Variants in CHD2 observed in about 807,000 individuals in gnomAD.
The protein encoded by CHD2 is chromodomain helicase DNA binding protein 2, also known as ATP-dependent chromatin remodeler CHD2.
CHD2 carries 28 observed loss-of-function variants against 243.9 expected under a neutral mutation model. The observed-to-expected ratio is 0.11, with a 90% CI of 0.09 to 0.16. The LOEUF (loss-of-function observed/expected upper bound fraction) is 0.16, where lower values mean the gene tolerates loss of function less well. Among genes scored for constraint, CHD2 ranks in the 10% least tolerant of loss-of-function variants. The pLI, the probability that CHD2 is intolerant of heterozygous loss-of-function variation, is 1.00. For missense variants in CHD2, 1,386 were observed against 2,209.8 expected, an observed-to-expected ratio of 0.63 and a Z score of 7.47; for synonymous variants, 775 against 779.0, an observed-to-expected ratio of 0.99 and a Z score of 0.09.
chr15:93,000,445 T>G, intron 31 of CHD2, 67 bp from the exon 32 acceptor site: 2 of 1,456,086 alleles, frequency 1.4e-6, no homozygotes, highest in Non-Finnish European at 1.9e-6. Context: ...AGAGTCATCA[T>G]GTTGTTTGGT....
intron 1 of CHD2, 41 bp from the exon 2 acceptor site, chr15:92,901,126 G>A: frequency 2.9e-6 from 2 of 692,888 alleles, no homozygotes; most frequent in Non-Finnish European, 5.2e-6. Context: ...AAAAAGCATC[G>A]ATAGAAGCCG....
chr15:92,928,888 G>A (rs530357344), intron 4 of CHD2, 142 bp from the exon 5 acceptor site: 34 of 612,166 alleles, frequency 5.6e-5, no homozygotes, highest in Non-Finnish European at 8.1e-5. Context: ...GTTCCACCAA[G>A]CAAGTGCTTA....
intron 2 of CHD2, among the ~76,000 whole-genome samples, chr15:92,922,494 A>T (rs2052976012): frequency 6.6e-6 from 1 of 152,066 alleles, no homozygotes; most frequent in African/African-American, 2.4e-5. Context: ...AGGCCTCCGT[A>T]TTGTAATGTG....
At chr15:92,942,405 CTT>C (rs202182060) in intron 8 of CHD2, among the ~76,000 whole-genome samples, 5 of 135,862 alleles carry the variant, frequency 3.7e-5, no homozygotes, top group Non-Finnish European at 4.8e-5. Context: ...TTTCTTTTGG[CTT>C]TTTTTTTTTT....
At chr15:92,970,525 A>C (rs1316618536) in intron 17 of CHD2, among the ~76,000 whole-genome samples, 2 of 152,164 alleles carry the variant, frequency 1.3e-5, no homozygotes, top group Admixed American at 6.5e-5. Flanking sequence ...ATTTTTTAAC[A>C]TTTTAATGCT....
chr15:92,929,945 C>T (rs2053135121), intron 5 of CHD2, among the ~76,000 whole-genome samples: 1 of 152,070 alleles, frequency 6.6e-6, no homozygotes, highest in African/African-American at 2.4e-5. Context: ...ATACCATCTA[C>T]CCAACAGGAT....
At chr15:92,937,097 A>G (rs1247559835) in intron 5 of CHD2, among the ~76,000 whole-genome samples, 1 of 152,144 alleles carries the variant, frequency 6.6e-6, no homozygotes, top group Non-Finnish European at 1.5e-5. Flanking sequence ...TCCTGGACTC[A>G]AGTGAAACTC....
At chr15:92,928,659 C>G (rs1347197468) in intron 4 of CHD2, among the ~76,000 whole-genome samples, 3 of 152,204 alleles carry the variant, frequency 2.0e-5, no homozygotes, top group South Asian at 2.1e-4. Flanking sequence ...AATAAAACTT[C>G]CATTTCTCAG....
intron 1 of CHD2, among the ~76,000 whole-genome samples, 159 bp from the exon 2 acceptor site, chr15:92,901,008 G>T (rs541813613): frequency 4.6e-5 from 7 of 150,604 alleles, no homozygotes; most frequent in African/African-American, 1.7e-4. Context: ...GGTTTATCCT[G>T]TTGTTTTTTC....
At chr15:93,017,126 C>A (rs2054472046) in intron 37 of CHD2, among the ~76,000 whole-genome samples, 1 of 152,192 alleles carries the variant, frequency 6.6e-6, no homozygotes, top group East Asian at 1.9e-4. Flanking sequence ...AAAACCCACT[C>A]TGCGGGTTGT....
chr15:92,972,335 A>G lies in CHD2; in HGVS notation c.2423A>G (p.Asn808Ser), dbSNP rs1064794729. Residue 808 changes from asparagine (N) to serine (S), a missense_variant, in exon 19 of 39, where the codon AAT becomes AGT. Coordinates refer to ENST00000394196, the MANE Select transcript of CHD2 (RefSeq NM_001271.4). ...TTGACAAGACTTCGAGAAAGGGGGA[A>G]TCGAGTGCTTATCTTCTCTCAGATG... ...KLLTRLRERG[N>S]RVLIFSQMVR... is the part of the protein sequence containing the mutation. 6.2e-7 allele frequency: 1 copy of G among 1,613,134 alleles called. No individual in the cohort carries two copies. The highest frequency in any genetic ancestry group is 8.5e-7 in the Non-Finnish European group (1 of 1,179,498).
At chr15:92,972,135 G>C (rs1260519834) in intron 18 of CHD2, 130 bp from the exon 19 acceptor site, 4 of 1,073,084 alleles carry the variant, frequency 3.7e-6, no homozygotes, top group Non-Finnish European at 5.3e-6. Context: ...TTCGGGAATT[G>C]CTGGTCAAGC....
At position 92,985,554 on chromosome 15, in the gene CHD2, C is replaced by T; in HGVS notation, c.3294C>T (p.Ser1098=). The change falls in exon 26 of 39, where the codon TCC becomes TCT. Residue 1098 remains serine (S), a synonymous_variant. Transcript: ENST00000394196. ...AGTCTAAGAGGCAGGCCCAGAGATC[C>T]TCTGCTTCTGAGAGTGAAACGGAAG... The part of the protein sequence containing the change: ...DTESKRQAQR[S]SASESETEDS... 6.2e-7 allele frequency: 1 copy of T among 1,614,138 alleles called. No homozygotes were observed. Among genetic ancestry groups the T allele is most frequent in the Non-Finnish European group, 8.5e-7 (1 of 1,180,002 alleles).
intron 26 of CHD2, 84 bp downstream of exon 26, chr15:92,985,757 C>G: frequency 7.1e-7 from 1 of 1,411,634 alleles, no homozygotes; most frequent in Non-Finnish European, 9.6e-7. Context: ...GACATCGTGA[C>G]AGGGTAGGCA....
chr15:92,936,249 T>A (rs2053265455), intron 5 of CHD2, among the ~76,000 whole-genome samples: 1 of 152,236 alleles, frequency 6.6e-6, no homozygotes. Flanking sequence ...CACCATTACT[T>A]GACCTGTTCT....
intron 7 of CHD2, among the ~76,000 whole-genome samples, chr15:92,941,423 C>T (rs1448187419): frequency 2.6e-5 from 4 of 151,902 alleles, no homozygotes; most frequent in Non-Finnish European, 4.4e-5. Flanking sequence ...AGAAATATTG[C>T]TTCTCTTTTT....
rs151012806 is a variant in CHD2, at chr15:92,999,683, C to T, written c.4009-829C>T. ...TTTCAAGTAATAGGGTCATAAGTCT[C>T]ATTCTTCATATAATATGTTGAGTAT... On this transcript the variant is annotated intron_variant, in intron 31 of 38. Coordinates refer to ENST00000394196, the MANE Select transcript of CHD2 (RefSeq NM_001271.4). Among the ~76,000 whole-genome samples the T allele has an allele frequency of 4.9e-3, 746 of 152,122 alleles. 5 individuals carry two copies. Among genetic ancestry groups the T allele is most frequent in the African/African-American group, 0.017 (716 of 41,488 alleles).
chr15:92,958,800 T>C (rs1035767992), intron 16 of CHD2, among the ~76,000 whole-genome samples: 1 of 150,788 alleles, frequency 6.6e-6, no homozygotes, highest in African/African-American at 2.5e-5. Context: ...ACATGAGATA[T>C]TCAACTCTTT....
At chr15:93,007,874 C>T (rs939714530) in intron 34 of CHD2, among the ~76,000 whole-genome samples, 2 of 152,170 alleles carry the variant, frequency 1.3e-5, no homozygotes, top group African/African-American at 2.4e-5. Flanking sequence ...TCTTTTTCCT[C>T]CACCGCTCTC....
Sources: allele counts gnomAD v4.1 joint callset (sites outside exome capture counted in the v4.1 genomes callset), GRCh38; gene constraint gnomAD v4.1.1; transcripts MANE v1.5; gene names NCBI Gene and HGNC (gene_info 2026-07-23, HGNC 2026-07-21).